Variants in ATP2A3 observed in about 807,000 individuals in gnomAD.
ATP2A3 encodes the protein sarcoplasmic/endoplasmic reticulum calcium ATPase 3.
In ATP2A3, 61 loss-of-function variants were observed where a neutral mutation model predicts 106.8. The ratio of observed to expected loss-of-function variants is 0.57; its 90% CI spans 0.46 to 0.71. The LOEUF (loss-of-function observed/expected upper bound fraction) is 0.71, where lower values mean the gene tolerates loss of function less well. Among genes scored for constraint, ATP2A3 ranks in the 30% least tolerant of loss-of-function variants. ATP2A3 has a pLI of 0.00. For missense variants in ATP2A3, 1,201 were observed against 1,423.5 expected (o/e 0.84, Z 2.52); for synonymous variants, 611 against 609.3 (o/e 1.00, Z -0.04).
chr17:3,963,252 C>G (rs1368395490), intron 1 of ATP2A3, among the ~76,000 whole-genome samples: 1 of 152,238 alleles, frequency 6.6e-6, no homozygotes, highest in Non-Finnish European at 1.5e-5. Flanking sequence ...CAGACCCAGG[C>G]TGCCCTCTGT....
rs777509190 is a variant in ATP2A3, at chr17:3,964,214, C to G, written c.78G>C (p.Pro26=). ...FSVTAEGGLS[P]AQVTGARERY... ...GCTCCCGCGCGCCGGTCACCTGCGC[C>G]GGGCTCAGGCCGCCCTCGGCTGTCA... Residue 26 remains proline (P), a synonymous_variant, in exon 1 of 21, where the codon CCG becomes CCC. Coordinates refer to ENST00000397041, the MANE Select transcript of ATP2A3 (RefSeq NM_005173.4). 2 of 1,268,638 alleles carry G rather than the reference C, an allele frequency of 1.6e-6. No homozygotes were observed. The highest frequency in any genetic ancestry group is 3.2e-5 in the African/African-American group (2 of 62,690). The allele number at this position is 1,268,638 out of a possible 1,614,324, so 78.6% of individuals were successfully genotyped here.
intron 1 of ATP2A3, among the ~76,000 whole-genome samples, chr17:3,959,953 C>T (rs1357705127): frequency 6.6e-6 from 1 of 152,214 alleles, no homozygotes; most frequent in East Asian, 1.9e-4. Flanking sequence ...GGTGAGGGGG[C>T]CCAGCTGGGC....
At chr17:3,927,349 C>T in intron 20 of ATP2A3, 1 of 985,490 alleles carries the variant, frequency 1.0e-6, no homozygotes, top group Non-Finnish European at 1.2e-6. Flanking sequence ...ATCTGCTGAG[C>T]TCCTAGGCAG....
Position 3,961,880 on chromosome 17 carries a change from G to A in ATP2A3, c.118+2294C>T, listed in dbSNP as rs1299016642. Among the ~76,000 whole-genome samples the A allele has an allele frequency of 6.6e-5, 10 of 152,184 alleles. 1 individual carries two copies. The highest frequency in any genetic ancestry group is 6.5e-4 in the Admixed American group (10 of 15,280). On this transcript the variant is annotated intron_variant, in intron 1 of 20. Transcript: ENST00000397041. ...ACAGAGAGGCAAAGAGGCTGGTCCA[G>A]CATTGCACAGCTATGAAGGGGCAGG...
intron 17 of ATP2A3, among the ~76,000 whole-genome samples, chr17:3,931,139 C>CAA (rs561383105): frequency 1.6e-4 from 21 of 130,804 alleles, no homozygotes; most frequent in African/African-American, 4.6e-4. Flanking sequence ...GACTCTGTCT[C>CAA]AAAAAAAAAA....
chr17:3,943,545 G>C, intron 10 of ATP2A3, 23 bp from the exon 11 acceptor site: 12 of 1,613,758 alleles, frequency 7.4e-6, no homozygotes, highest in Non-Finnish European at 1.0e-5. Context: ...CAGGGGATAG[G>C]GAGTGAGGGG....
chr17:3,953,679 G>T lies in ATP2A3; in HGVS notation c.136+14C>A. The T allele has an allele frequency of 1.3e-6, 2 of 1,562,928 alleles. No individual in the cohort carries two copies. The highest frequency in any genetic ancestry group is 1.7e-6 in the Non-Finnish European group (2 of 1,153,438). ...TGCCCGCGGCCTAGAGGTCCATCCC[G>T]GTGCCAGCCTCACCTTCCTCACTCG... On this transcript the variant is annotated intron_variant, in intron 2 of 20. Transcript: ENST00000397041. This position sits in a 1 kb window ranked among gnomAD's most constrained non-coding sequence, Gnocchi z 5.1.
At chr17:3,940,814 A>G (rs2053720110) in intron 14 of ATP2A3, among the ~76,000 whole-genome samples, 157 bp downstream of exon 14, 1 of 152,172 alleles carries the variant, frequency 6.6e-6, no homozygotes, top group African/African-American at 2.4e-5. Flanking sequence ...GGCCCAGAAT[A>G]ACATTATTTA....
chr17:3,953,418 A>C lies in ATP2A3; in HGVS notation c.148T>G (p.Trp50Gly). ...TCAAACTGTTCCAGCACCAGCTCCC[A>C]CAGGGACTTCCCTGGGAACGGGGGT... Reference protein sequence around the residue: ...ELPSEEGKSLWELVLEQFEDL... With the variant: ...ELPSEEGKSLGELVLEQFEDL... Residue 50 changes from tryptophan to glycine, a missense_variant, in exon 3 of 21, where the codon TGG becomes GGG. Around this residue, in one of 2 missense-constraint regions of ATP2A3, gnomAD observed 266 missense variants for 246.8 expected, o/e 1.08. Coordinates refer to ENST00000397041, the MANE Select transcript of ATP2A3 (RefSeq NM_005173.4). The surrounding 1 kb of genome is among the most constrained non-coding windows in gnomAD (Gnocchi z 5.1). 1 of 1,613,988 alleles carries C rather than the reference A, an allele frequency of 6.2e-7. No homozygotes were observed. Among genetic ancestry groups the C allele is most frequent in the Non-Finnish European group, 8.5e-7 (1 of 1,180,000 alleles).
At position 3,941,197 on chromosome 17, in the gene ATP2A3, G is replaced by A. The variant is rs762730799; in HGVS notation, c.1874C>T (p.Thr625Met). The A allele has an allele frequency of 3.1e-6, 5 of 1,614,106 alleles. No individual in the cohort carries two copies. The Admixed American group carries it at 5.0e-5, about 16-fold the overall frequency. ...YQAGIRVVMI[T>M]GDNKGTAVAI... ...CACGGCAGTGCCTTTGTTATCCCCCGTGATCATGACCACGCGGATGCCCGC... is the reference window on the plus strand; with the variant it reads ...CACGGCAGTGCCTTTGTTATCCCCCATGATCATGACCACGCGGATGCCCGC... Residue 625 changes from threonine to methionine, a missense_variant, in exon 14 of 21, where the codon ACG becomes ATG. By Grantham distance (81) the Thr-to-Met change is moderately conservative (BLOSUM62 -1). Coordinates refer to ENST00000397041, the MANE Select transcript of ATP2A3 (RefSeq NM_005173.4).
In ATP2A3 at chr17:3,941,219, C is replaced by T; in HGVS notation, c.1852G>A (p.Gly618Ser). 1 of 1,614,112 alleles carries T rather than the reference C, an allele frequency of 6.2e-7. No individual in the cohort carries two copies. Among genetic ancestry groups the T allele is most frequent in the Non-Finnish European group, 8.5e-7 (1 of 1,180,036 alleles). ...AACITRCYQA[G>S]IRVVMITGDN... is the part of the protein sequence containing the mutation. ...CCCGTGATCATGACCACGCGGATGC[C>T]CGCCTGGTAGCAGCGTGTGATGCAG... is the stretch of plus-strand genomic sequence containing the variant. The change falls in exon 14 of 21, where the codon GGC (glycine) becomes AGC (serine). Residue 618 changes from glycine to serine, a missense_variant. Coordinates refer to ENST00000397041, the MANE Select transcript of ATP2A3 (RefSeq NM_005173.4).
chr17:3,964,165 C>T lies in ATP2A3; in HGVS notation c.118+9G>A. 1.7e-6 allele frequency: 2 copies of T among 1,156,802 alleles called. No homozygotes were observed. The highest frequency in any genetic ancestry group is 3.3e-5 in the African/African-American group (2 of 60,922). The allele number at this position is 1,156,802 out of a possible 1,614,324, so 71.7% of individuals were successfully genotyped here. ...CCGCTCCCCGGCCCGGCCCGGCCCGCGCGCTCACCGTTGGGGCCGTAGCGC... is the reference window on the plus strand; with the variant it reads ...CCGCTCCCCGGCCCGGCCCGGCCCGTGCGCTCACCGTTGGGGCCGTAGCGC... On this transcript the variant is annotated intron_variant, in intron 1 of 20. Coordinates refer to ENST00000397041, the MANE Select transcript of ATP2A3 (RefSeq NM_005173.4).
At chr17:3,942,443 G>T (rs2144504169) in intron 12 of ATP2A3, among the ~76,000 whole-genome samples, 163 bp downstream of exon 12, 1 of 152,218 alleles carries the variant, frequency 6.6e-6, no homozygotes, top group Admixed American at 6.5e-5. Flanking sequence ...ACCAAGGGTG[G>T]CACCAACCAC....
chr17:3,924,435 G>C lies in ATP2A3; in HGVS notation c.*987C>G, dbSNP rs1289112137. ...TCGGCTCATGGGTGTCGTGGGGAGG[G>C]GGCAAGGAGTGAGGCCAAGAGTCCA... On this transcript the variant is annotated 3_prime_UTR_variant, in exon 21 of 21. Coordinates refer to ENST00000397041, the MANE Select transcript of ATP2A3 (RefSeq NM_005173.4). This position sits in a 1 kb window ranked among gnomAD's most constrained non-coding sequence, Gnocchi z 6.4. 1 of 222,994 alleles carries C rather than the reference G, an allele frequency of 4.5e-6. No individual in the cohort carries two copies. The highest frequency in any genetic ancestry group is 9.2e-6 in the Non-Finnish European group (1 of 108,286). 13.8% of individuals were successfully genotyped at this position (222,994 alleles called of 1,614,324 possible). A position where few individuals can be genotyped will look rare whatever the true frequency, so the allele number is the denominator to read the frequency against.
chr17:3,937,949 T>A (rs2053543859), intron 14 of ATP2A3, among the ~76,000 whole-genome samples: 2 of 151,644 alleles, frequency 1.3e-5, no homozygotes, highest in Non-Finnish European at 2.9e-5. Context: ...GGATGTGGGG[T>A]AGAAGATGAA....
chr17:3,954,091 C>T (rs1226333745), intron 1 of ATP2A3, among the ~76,000 whole-genome samples: 1 of 152,094 alleles, frequency 6.6e-6, no homozygotes, highest in Non-Finnish European at 1.5e-5. Flanking sequence ...GCTGTTCTCA[C>T]GGCTCCCTGC....
Position 3,936,174 on chromosome 17 carries a change from G to T in ATP2A3, c.2524+93C>A. 6.7e-7 allele frequency: 1 copy of T among 1,501,318 alleles called. No individual in the cohort carries two copies. The allele number at this position is 1,501,318 out of a possible 1,614,324, so 93.0% of individuals were successfully genotyped here. The stretch of plus-strand genomic sequence containing the variant: ...GCTCATACAGTTTCTACTGGCACAA[G>T]CCAGGCTGAGTCACACTGTCTGCAG... On this transcript the variant is annotated intron_variant, in intron 16 of 20. Coordinates refer to ENST00000397041, the MANE Select transcript of ATP2A3 (RefSeq NM_005173.4). The surrounding 1 kb of genome is among the most constrained non-coding windows in gnomAD (Gnocchi z 5.4).
Position 3,936,721 on chromosome 17 carries a change from TACACACAC to T in ATP2A3, c.2322-260_2322-253del, listed in dbSNP as rs57648128. Reference sequence around the variant, plus strand: ...CTCTTTAGGCCTAGCAGAGGCCAAGTACACACACACACACACACACACACACACACACA... The same window carrying T: ...CTCTTTAGGCCTAGCAGAGGCCAAGTACACACACACACACACACACACACA... On this transcript the variant is annotated intron_variant, in intron 15 of 20. Transcript: ENST00000397041. The surrounding 1 kb of genome is among the most constrained non-coding windows in gnomAD (Gnocchi z 5.4). 3.1e-3 allele frequency: 1,255 copies of T among 408,298 alleles called. 9 individuals are homozygous for T. Among genetic ancestry groups the T allele is most frequent in the East Asian group, 2.8e-3 (57 of 20,354 alleles). 25.3% of individuals were successfully genotyped at this position (408,298 alleles called of 1,614,324 possible).
chr17:3,960,076 C>T (rs1180751932), intron 1 of ATP2A3, among the ~76,000 whole-genome samples: 1 of 152,188 alleles, frequency 6.6e-6, no homozygotes, highest in Non-Finnish European at 1.5e-5. Flanking sequence ...GGGCAAACCA[C>T]ACCCTCTCAG....
Sources: gnomAD v4.1 joint callset for allele counts (sites outside exome capture counted in the v4.1 genomes callset) on GRCh38, gnomAD v4.1.1 for gene constraint, gnomAD v4.1.1 regional missense constraint, Gnocchi (gnomAD v3.1) non-coding constraint, MANE v1.5 for transcripts, NCBI Gene and HGNC (gene_info 2026-07-23, HGNC 2026-07-21) for gene names.